The following PIBF1 variants were observed in gnomAD, a reference collection of about 807,000 sequenced individuals.
PIBF1 encodes the protein progesterone-induced-blocking factor 1.
A neutral mutation model predicts 112.5 loss-of-function variants in PIBF1; 90 were observed. The ratio of observed to expected loss-of-function variants is 0.80; its 90% CI spans 0.67 to 0.95. The LOEUF (loss-of-function observed/expected upper bound fraction) is 0.95. Ranked by LOEUF, PIBF1 falls within the 40% of genes least tolerant of loss-of-function variation. The probability of loss-of-function intolerance (pLI) is 0.00; values close to 1 mark genes in which losing one functional copy is unlikely to be tolerated. For missense variants in PIBF1, 915 were observed against 852.3 expected (o/e 1.07, Z -0.92); for synonymous variants, 301 against 288.6 (o/e 1.04, Z -0.44).
intron 14 of PIBF1, among the ~76,000 whole-genome samples, chr13:72,951,253 T>C (rs1455501278): frequency 6.6e-6 from 1 of 152,216 alleles, no homozygotes; most frequent in African/African-American, 2.4e-5. Context: ...TTTTTAATAA[T>C]TGCCTTATTT....
chr13:72,945,360 G>A (rs767987623), intron 14 of PIBF1, among the ~76,000 whole-genome samples: 10 of 152,198 alleles, frequency 6.6e-5, no homozygotes, highest in Non-Finnish European at 1.0e-4. Context: ...GCATGTGAGT[G>A]CATGTGTTTG....
Position 72,892,503 on chromosome 13 carries a change from T to A in PIBF1, c.1323-1281T>A, listed in dbSNP as rs180870208. 3.9e-5 allele frequency among the ~76,000 whole-genome samples: 6 copies of A among 152,206 alleles called. No individual in the cohort carries two copies. In the South Asian group the frequency reaches 8.3e-4, roughly 21 times the overall value. On this transcript the variant is annotated intron_variant, in intron 10 of 17. Transcript: ENST00000326291. ...TAAAGTTTATCTTACCTCAGAAATG[T>A]CAGTTATGAATATTATGTAATAGCA...
intron 14 of PIBF1, among the ~76,000 whole-genome samples, chr13:72,957,961 GGAAA>G (rs1025771565): frequency 1.3e-5 from 2 of 151,270 alleles, no homozygotes; most frequent in African/African-American, 4.9e-5. Context: ...CGGGCAGGGG[GGAAA>G]GAAAGAAAGA....
At chr13:72,947,474 A>G (rs879847363) in intron 14 of PIBF1, among the ~76,000 whole-genome samples, 7 of 152,256 alleles carry the variant, frequency 4.6e-5, no homozygotes, top group Non-Finnish European at 8.8e-5. Flanking sequence ...TGTCTTGGCA[A>G]TTAACATTTT....
At chr13:72,909,705 C>T (rs957347786) in intron 12 of PIBF1, among the ~76,000 whole-genome samples, 6 of 151,836 alleles carry the variant, frequency 4.0e-5, no homozygotes, top group African/African-American at 9.7e-5. Context: ...GTTGGTTAGG[C>T]GGTCTCAAAC....
chr13:72,879,338 A>G (rs538790315), intron 10 of PIBF1, among the ~76,000 whole-genome samples: 23 of 152,268 alleles, frequency 1.5e-4, no homozygotes, highest in African/African-American at 5.5e-4. Flanking sequence ...TCAGGAAGTC[A>G]AGGAGATCTA....
intron 5 of PIBF1, among the ~76,000 whole-genome samples, chr13:72,814,006 G>A (rs1450183441): frequency 3.3e-5 from 5 of 152,156 alleles, no homozygotes; most frequent in Non-Finnish European, 7.4e-5. Context: ...AAATAAGGTG[G>A]ATAAAGTCTC....
At position 72,893,840 on chromosome 13, in the gene PIBF1, G is replaced by A. The variant is rs779898934; in HGVS notation, c.1379G>A (p.Ser460Asn). 1 of 1,604,490 alleles carries A rather than the reference G, an allele frequency of 6.2e-7. No individual in the cohort carries two copies. The highest frequency in any genetic ancestry group is 1.7e-5 in the Admixed American group (1 of 58,862). The change falls in exon 11 of 18, where the codon AGT becomes AAT. Residue 460 changes from serine (S) to asparagine (N), a missense_variant. Transcript: ENST00000326291. ...AAAGTAACAGAATTTCTCCATCAAAGTAAATTAAAATCTTTTGAAAGTGAG... is the reference window on the plus strand; with the variant it reads ...AAAGTAACAGAATTTCTCCATCAAAATAAATTAAAATCTTTTGAAAGTGAG... The part of the protein sequence containing the change: ...ESKVTEFLHQ[S>N]KLKSFESERV...
intron 5 of PIBF1, among the ~76,000 whole-genome samples, chr13:72,804,467 C>T (rs942380332): frequency 9.2e-5 from 14 of 152,154 alleles, no homozygotes; most frequent in African/African-American, 2.4e-5. Flanking sequence ...TTTAGCAAGG[C>T]TTGTTTGTTC....
rs148998131 is a variant in PIBF1, at chr13:72,959,210, G to A, written c.1834-6064G>A. 8.0e-3 allele frequency among the ~76,000 whole-genome samples: 1,221 copies of A among 152,134 alleles called. 14 individuals carry two copies. Among genetic ancestry groups the A allele is most frequent in the African/African-American group, 0.028 (1,149 of 41,494 alleles). ...GGGGTTTTGCCATGTTGGCCAGGCT[G>A]GTCTCAAATTCCTGACCTCAAGCAA... On this transcript the variant is annotated intron_variant, in intron 14 of 17. Coordinates refer to ENST00000326291, the MANE Select transcript of PIBF1 (RefSeq NM_006346.4).
chr13:72,787,816 G>A (rs1383066577), intron 2 of PIBF1, among the ~76,000 whole-genome samples: 6 of 151,940 alleles, frequency 3.9e-5, no homozygotes, highest in African/African-American at 4.8e-5. Context: ...GTGCCACAAC[G>A]CCCAGCTAAG....
At chr13:72,902,437 A>G (rs999865214) in intron 11 of PIBF1, among the ~76,000 whole-genome samples, 2 of 151,788 alleles carry the variant, frequency 1.3e-5, no homozygotes, top group Admixed American at 1.3e-4. Flanking sequence ...AAAAGAATTG[A>G]TTGTTGGCAT....
chr13:72,973,626 C>T lies in PIBF1; in HGVS notation c.2000C>T (p.Thr667Met), dbSNP rs766276503. Residue 667 changes from threonine to methionine, a missense_variant, in exon 16 of 18, where the codon ACG (threonine) becomes ATG (methionine). Coordinates refer to ENST00000326291, the MANE Select transcript of PIBF1 (RefSeq NM_006346.4). Reference protein sequence around the residue: ...LNKEKSALLQTKNQMALDLEQ... With the variant: ...LNKEKSALLQMKNQMALDLEQ... Reference sequence around the variant, plus strand: ...AAAGAAAAGTCAGCTTTACTACAGACGAAGAATCAAATGGCATTAGATTTA... The same window carrying T: ...AAAGAAAAGTCAGCTTTACTACAGATGAAGAATCAAATGGCATTAGATTTA... The T allele has an allele frequency of 2.4e-5, 38 of 1,571,814 alleles. No homozygotes were observed. Among genetic ancestry groups the T allele is most frequent in the South Asian group, 2.3e-4 (19 of 83,532 alleles).
intron 16 of PIBF1, among the ~76,000 whole-genome samples, chr13:72,995,001 A>G (rs1407084151): frequency 1.3e-5 from 2 of 152,090 alleles, no homozygotes; most frequent in Admixed American, 1.3e-4. Flanking sequence ...AACACTTAAT[A>G]TAATAAAGAG....
At chr13:72,914,429 T>C (rs1458807800) in intron 12 of PIBF1, among the ~76,000 whole-genome samples, 2 of 152,056 alleles carry the variant, frequency 1.3e-5, no homozygotes, top group Non-Finnish European at 2.9e-5. Context: ...CTGCCACACA[T>C]CCTCATCATA....
At chr13:72,787,904 C>G (rs558832929) in intron 2 of PIBF1, among the ~76,000 whole-genome samples, 84 of 152,302 alleles carry the variant, frequency 5.5e-4, no homozygotes, top group African/African-American at 2.0e-3. Context: ...AAGCAATCCA[C>G]CCATTTCAGC....
At chr13:72,894,451 A>G (rs1235670623) in intron 11 of PIBF1, among the ~76,000 whole-genome samples, 4 of 152,068 alleles carry the variant, frequency 2.6e-5, no homozygotes, top group East Asian at 1.9e-4. Flanking sequence ...AAAAGAAATA[A>G]TGGAAATATA....
intron 15 of PIBF1, among the ~76,000 whole-genome samples, chr13:72,968,212 T>C (rs1299945233): frequency 6.6e-6 from 1 of 152,072 alleles, no homozygotes; most frequent in Admixed American, 6.6e-5. Context: ...ACATCAGTGC[T>C]GTCCAGTATG....
chr13:72,848,179 G>T (rs988945112), intron 9 of PIBF1, among the ~76,000 whole-genome samples: 3 of 152,136 alleles, frequency 2.0e-5, no homozygotes, highest in Admixed American at 2.0e-4. Context: ...AGGCATTAGG[G>T]ATGTTTATTC....
Sources: gnomAD v4.1 joint callset for allele counts (sites outside exome capture counted in the v4.1 genomes callset) on GRCh38, gnomAD v4.1.1 for gene constraint, MANE v1.5 for transcripts, NCBI Gene and HGNC (gene_info 2026-07-23, HGNC 2026-07-21) for gene names.